ZNF276: variants seen among roughly 807,000 people sequenced by gnomAD.
ZNF276 encodes zinc finger protein 276.
ZNF276 carries 59 observed loss-of-function variants against 63.9 expected under a neutral mutation model. The observed-to-expected ratio is 0.92, with a 90% confidence interval of 0.75 to 1.15. ZNF276 has a LOEUF of 1.15. ZNF276 is among the 50% of genes most tolerant of loss of function. ZNF276 has a pLI of 0.00. For synonymous variants in ZNF276, 496 were observed against 348.4 expected (o/e 1.42, Z -4.72); for missense variants, 1,084 against 843.8 (o/e 1.28, Z -3.53).
chr16:89,722,466 C>T (rs946369527), intron 1 of ZNF276, 65 bp from the exon 2 acceptor site: 39 of 1,517,192 alleles, frequency 2.6e-5, no homozygotes, highest in Non-Finnish European at 3.4e-5. Context: ...GACCTGGAGT[C>T]CGGGACGCCC....
At chr16:89,730,620 AC>A (rs2061614718) in intron 6 of ZNF276, among the ~76,000 whole-genome samples, 2 of 152,146 alleles carry the variant, frequency 1.3e-5, no homozygotes. Flanking sequence ...CACGGGAGAT[AC>A]GTTTTCAGAG....
chr16:89,724,157 G>A (rs372233459), intron 4 of ZNF276, among the ~76,000 whole-genome samples: 6 of 152,358 alleles, frequency 3.9e-5, no homozygotes, highest in African/African-American at 1.4e-4. Flanking sequence ...GGGCCAGTGT[G>A]GCGCAGCTTT....
In ZNF276 at chr16:89,722,604, C is replaced by A; in HGVS notation, c.279C>A (p.Ser93Arg). The change falls in exon 2 of 11, where the codon AGC (serine) becomes AGA (arginine). Residue 93 changes from serine to arginine, a missense_variant. Coordinates refer to ENST00000443381, the MANE Select transcript of ZNF276 (RefSeq NM_001113525.2). ...AGTTTTCCTCGAGAAGCCTGCGCAG[C>A]ATCTCCGAGAGGGCGCCTGGAGCGA... is the stretch of plus-strand genomic sequence containing the variant. ...HGKFSSRSLR[S>R]ISERAPGASM... 1.2e-6 allele frequency: 2 copies of A among 1,612,184 alleles called. No individual in the cohort carries two copies. Among genetic ancestry groups the A allele is most frequent in the Middle Eastern group, 3.3e-4 (2 of 6,062 alleles).
chr16:89,729,686 C>T (rs1396113859), intron 6 of ZNF276, among the ~76,000 whole-genome samples: 1 of 152,180 alleles, frequency 6.6e-6, no homozygotes, highest in African/African-American at 2.4e-5. Context: ...ACCCCCGAAG[C>T]CCCCAACCCG....
At chr16:89,720,903 G>A, upstream of ZNF276, 1 of 1,288,648 alleles carries the variant, frequency 7.8e-7, no homozygotes, top group East Asian at 3.3e-5. Flanking sequence ...CGAGGGGCTG[G>A]ACGGGCGACC....
chr16:89,738,977 A>G lies in ZNF276; in HGVS notation c.*731A>G, dbSNP rs1598050574. 1.2e-6 allele frequency: 2 copies of G among 1,614,232 alleles called. No individual in the cohort carries two copies. The highest frequency in any genetic ancestry group is 1.7e-6 in the Non-Finnish European group (2 of 1,180,036). ...GTTATCAGTTCCACGGGGTTGCCCTAGAGAGAAAACAGGCAAACTCACAGG... is the reference window on the plus strand; with the variant it reads ...GTTATCAGTTCCACGGGGTTGCCCTGGAGAGAAAACAGGCAAACTCACAGG... On this transcript the variant is annotated 3_prime_UTR_variant, in exon 11 of 11. Transcript: ENST00000443381.
At chr16:89,723,733 C>A in intron 4 of ZNF276, 24 bp downstream of exon 4, 2 of 1,596,134 alleles carry the variant, frequency 1.3e-6, no homozygotes, top group South Asian at 1.1e-5. Context: ...CTTGCTGGTG[C>A]TAGACCAGGA....
chr16:89,731,703 CAT>C (rs1250698422), intron 6 of ZNF276: 2 of 152,256 alleles, frequency 1.3e-5, no homozygotes, highest in African/African-American at 4.8e-5. Context: ...GGACTGCCAA[CAT>C]GAGCCACTGG....
chr16:89,735,889 TTG>T (rs1399244795), intron 9 of ZNF276, among the ~76,000 whole-genome samples: 5 of 50,038 alleles, frequency 1.0e-4, no homozygotes, highest in African/African-American at 4.8e-4. Context: ...GTGTTTTTTT[TTG>T]TTTGTTTGTT....
intron 5 of ZNF276, among the ~76,000 whole-genome samples, chr16:89,728,665 G>GT (rs1278921048): frequency 6.6e-6 from 1 of 152,078 alleles, no homozygotes; most frequent in Non-Finnish European, 1.5e-5. Flanking sequence ...GCCTCCCAAA[G>GT]TGCTGGGATT....
chr16:89,737,739 G>A, intron 9 of ZNF276, 67 bp from the exon 10 acceptor site: 1 of 1,605,754 alleles, frequency 6.2e-7, no homozygotes, highest in Non-Finnish European at 8.5e-7. Flanking sequence ...GTTTCACATT[G>A]TCATCGTCGT....
At chr16:89,721,528 CCCTCCCCCGCCCCG>C in exon 1 of ZNF276, 2 of 1,100,732 alleles carry the variant, frequency 1.8e-6, no homozygotes, top group Non-Finnish European at 2.5e-6. Context: ...CTCGCTCCGC[CCCTCCCCCGCCCCG>C]CCTCGCTTCC....
rs2062078002 is a variant in ZNF276, at chr16:89,739,732, G to T, written c.*1486G>T. 38 of 1,497,416 alleles carry T rather than the reference G, an allele frequency of 2.5e-5. No homozygotes were observed. The highest frequency in any genetic ancestry group is 3.3e-5 in the Non-Finnish European group (37 of 1,125,360). The allele number at this position is 1,497,416 out of a possible 1,614,324, so 92.8% of individuals were successfully genotyped here. Reference sequence around the variant, plus strand: ...TGTCAGCAGCTGGGAGAGGATGGGGGGGTCGACCTCTTGCAGGAGGGTGGG... The same window carrying T: ...TGTCAGCAGCTGGGAGAGGATGGGGTGGTCGACCTCTTGCAGGAGGGTGGG... On this transcript the variant is annotated 3_prime_UTR_variant, in exon 11 of 11. Coordinates refer to ENST00000443381, the MANE Select transcript of ZNF276 (RefSeq NM_001113525.2).
Position 89,734,051 on chromosome 16 carries a change from C to A in ZNF276, c.1474+13C>A. The stretch of plus-strand genomic sequence containing the variant: ...CTCATCCACACAGGTACGCCTATCG[C>A]CAGTGTCGCCCACGCGGGTGACAGC... On this transcript the variant is annotated intron_variant, in intron 9 of 10. Transcript: ENST00000443381. The A allele has an allele frequency of 6.2e-7, 1 of 1,611,276 alleles. No individual in the cohort carries two copies. Among genetic ancestry groups the A allele is most frequent in the South Asian group, 1.1e-5 (1 of 91,032 alleles).
chr16:89,721,885 C>T, intron 1 of ZNF276, 40 bp downstream of exon 1: 4 of 1,179,044 alleles, frequency 3.4e-6, no homozygotes, highest in Non-Finnish European at 4.2e-6. Flanking sequence ...GGGGTCGCGG[C>T]AGGGGTTGCT....
At chr16:89,720,858 C>T, upstream of ZNF276, 8 of 1,396,546 alleles carry the variant, frequency 5.7e-6, no homozygotes, top group Non-Finnish European at 7.5e-6. Context: ...GCCGCAGCGG[C>T]CATGGCGCCG....
At chr16:89,729,129 A>T (rs902513830) in intron 5 of ZNF276, 106 bp from the exon 6 acceptor site, 1 of 895,216 alleles carries the variant, frequency 1.1e-6, no homozygotes, top group Non-Finnish European at 1.8e-6. Flanking sequence ...GAAGAACTCA[A>T]ATGTGGGACA....
rs775989654 is a variant in ZNF276, at chr16:89,739,043, G to C, written c.*797G>C. The C allele has an allele frequency of 1.2e-6, 2 of 1,614,022 alleles. No homozygotes were observed. Among genetic ancestry groups the C allele is most frequent in the Non-Finnish European group, 1.7e-6 (2 of 1,179,890 alleles). Reference sequence around the variant, plus strand: ...AAACAGGGCTGGTGTGTCCCCCATAGTCTGCATGCTGTGCCGGAACATTCT... The same window carrying C: ...AAACAGGGCTGGTGTGTCCCCCATACTCTGCATGCTGTGCCGGAACATTCT... On this transcript the variant is annotated 3_prime_UTR_variant, in exon 11 of 11. Transcript: ENST00000443381.
intron 9 of ZNF276, among the ~76,000 whole-genome samples, chr16:89,736,694 T>A (rs1289902817): frequency 6.8e-6 from 1 of 146,638 alleles, no homozygotes; most frequent in Non-Finnish European, 1.5e-5. Flanking sequence ...ACTTGAGAGG[T>A]TGAGGCAGGA....
Sources: gnomAD v4.1 joint callset for allele counts (sites outside exome capture counted in the v4.1 genomes callset) on GRCh38, gnomAD v4.1.1 for gene constraint, MANE v1.5 for transcripts, NCBI Gene and HGNC (gene_info 2026-07-23, HGNC 2026-07-21) for gene names.